The following ANKDD1A variants were observed in gnomAD, a reference collection of about 807,000 sequenced individuals.
ANKDD1A encodes ankyrin repeat and death domain containing 1A, also known as ankyrin repeat and death domain-containing protein 1A.
In ANKDD1A, 59 loss-of-function variants were observed where a neutral mutation model predicts 63.5. The ratio of observed to expected loss-of-function variants is 0.93; its 90% CI spans 0.75 to 1.15. The LOEUF is 1.15. Ranked by LOEUF, ANKDD1A falls within the 50% of genes most tolerant of loss-of-function variation. The probability of loss-of-function intolerance (pLI) is 0.00; values close to 1 mark genes in which losing one functional copy is unlikely to be tolerated. For synonymous variants in ANKDD1A, 266 were observed against 263.9 expected, an observed-to-expected ratio of 1.01 and a Z score of -0.08; for missense variants, 632 against 656.4, an observed-to-expected ratio of 0.96 and a Z score of 0.41.
intron 5 of ANKDD1A, among the ~76,000 whole-genome samples, chr15:64,926,556 G>A (rs1455576975): frequency 6.6e-6 from 1 of 152,166 alleles, no homozygotes; most frequent in Non-Finnish European, 1.5e-5. Context: ...GGGCTCTAGT[G>A]TGAGTTCTGA....
chr15:64,953,497 T>C (rs2085342581), intron 14 of ANKDD1A, among the ~76,000 whole-genome samples: 1 of 96,690 alleles, frequency 1.0e-5, no homozygotes, highest in African/African-American at 3.5e-5. Context: ...TCTTCTTTAG[T>C]TCTTCCTCCT....
intron 14 of ANKDD1A, among the ~76,000 whole-genome samples, chr15:64,956,865 T>A (rs1460123062): frequency 6.6e-6 from 1 of 152,198 alleles, no homozygotes; most frequent in Non-Finnish European, 1.5e-5. Context: ...TTTTGGATTC[T>A]TAAAACTTAA....
Position 64,958,013 on chromosome 15 carries a change from T to G in ANKDD1A, c.*825T>G, listed in dbSNP as rs990045650. Reference sequence around the variant, plus strand: ...GGCTGGGACCGGGTGGGAGAAAGAGTTCTCAGTGGTTCCTTTCTATACAGT... The same window carrying G: ...GGCTGGGACCGGGTGGGAGAAAGAGGTCTCAGTGGTTCCTTTCTATACAGT... On this transcript the variant is annotated 3_prime_UTR_variant, in exon 15 of 15. Coordinates refer to ENST00000319580, the MANE Select transcript of ANKDD1A (RefSeq NM_182703.6). The G allele has an allele frequency of 6.6e-6, 1 of 152,142 alleles. No homozygotes were observed. Among genetic ancestry groups the G allele is most frequent in the Admixed American group, 6.6e-5 (1 of 15,244 alleles). The allele number at this position is 152,142 out of a possible 1,614,324, so 9.4% of individuals were successfully genotyped here. A position where few individuals can be genotyped will look rare whatever the true frequency, so the allele number is the denominator to read the frequency against.
chr15:64,940,144 T>A (rs1318159215), intron 9 of ANKDD1A, among the ~76,000 whole-genome samples: 13 of 145,074 alleles, frequency 9.0e-5, no homozygotes, highest in Non-Finnish European at 1.4e-4. Context: ...AACTCAACAG[T>A]AAAAAAAAAA....
At chr15:64,933,126 G>C (rs555155405) in intron 8 of ANKDD1A, among the ~76,000 whole-genome samples, 2 of 152,052 alleles carry the variant, frequency 1.3e-5, no homozygotes, top group East Asian at 3.9e-4. Context: ...ACAGGGTCTC[G>C]GAGGAGGTGC....
intron 9 of ANKDD1A, among the ~76,000 whole-genome samples, chr15:64,938,444 T>G (rs1286305795): frequency 6.6e-6 from 1 of 152,076 alleles, no homozygotes; most frequent in African/African-American, 2.4e-5. Flanking sequence ...TCCCCCAAAC[T>G]CCTAACCCCA....
intron 14 of ANKDD1A, among the ~76,000 whole-genome samples, chr15:64,953,198 TTC>T (rs200695833): frequency 0.025 from 2,513 of 100,976 alleles, 70 homozygotes; most frequent in African/African-American, 0.073. Flanking sequence ...CCTCTTCTTA[TTC>T]TTTCTTCTCC....
intron 4 of ANKDD1A, 120 bp from the exon 5 acceptor site, chr15:64,925,946 T>C: frequency 1.2e-6 from 1 of 811,894 alleles, no homozygotes; most frequent in Non-Finnish European, 2.0e-6. Context: ...TCATTTACAG[T>C]GTTGTATCCA....
At chr15:64,932,930 C>T (rs902482652) in intron 8 of ANKDD1A, among the ~76,000 whole-genome samples, 2 of 139,052 alleles carry the variant, frequency 1.4e-5, no homozygotes, top group Non-Finnish European at 3.1e-5. Context: ...GCCTGGGTGA[C>T]AGATTGAGAC....
intron 14 of ANKDD1A, chr15:64,950,411 T>G (rs1362790934): frequency 1.0e-6 from 1 of 985,292 alleles, no homozygotes; most frequent in Non-Finnish European, 1.2e-6. Flanking sequence ...CATCACAACT[T>G]ATTTGAGTAT....
At chr15:64,930,174 G>C (rs747061778) in intron 6 of ANKDD1A, among the ~76,000 whole-genome samples, 17 of 151,882 alleles carry the variant, frequency 1.1e-4, no homozygotes, top group Non-Finnish European at 1.6e-4. Flanking sequence ...CGGGTTGATG[G>C]GTGCAGCAAA....
chr15:64,951,699 C>CCTTATTCTTTTTCTTCG (rs1689899540), intron 14 of ANKDD1A, among the ~76,000 whole-genome samples: 2 of 7,548 alleles, frequency 2.6e-4, no homozygotes, highest in African/African-American at 4.8e-4. Context: ...TCCTCTTCTT[C>CCTTATTCTTTTTCTTCG]TTCCTTATTT....
chr15:64,937,162 A>G (rs1365116158), intron 9 of ANKDD1A, among the ~76,000 whole-genome samples: 1 of 150,050 alleles, frequency 6.7e-6, no homozygotes, highest in Non-Finnish European at 1.5e-5. Flanking sequence ...AGACACCTTC[A>G]TATGTTACTG....
intron 6 of ANKDD1A, 127 bp from the exon 7 acceptor site, chr15:64,930,695 T>G: frequency 1.3e-6 from 1 of 797,862 alleles, no homozygotes; most frequent in South Asian, 1.8e-5. Flanking sequence ...CCCCTGGTTA[T>G]AGTTTTTGGC....
chr15:64,952,592 TTCCTTCG>T (rs1398484623), intron 14 of ANKDD1A, among the ~76,000 whole-genome samples: 8 of 97,098 alleles, frequency 8.2e-5, no homozygotes, highest in Admixed American at 3.6e-4. Context: ...TTTCTTCTTC[TTCCTTCG>T]TCTTCTTCTT....
intron 14 of ANKDD1A, among the ~76,000 whole-genome samples, chr15:64,953,710 CCTTGTTCTTCTCCTTCTT>C (rs1294094504): frequency 7.8e-4 from 14 of 17,896 alleles, no homozygotes; most frequent in Middle Eastern, 0.023. Flanking sequence ...TTCTTCTTCT[CCTTGTTCTTCTCCTTCTT>C]CTCCTCCTTC....
intron 13 of ANKDD1A, among the ~76,000 whole-genome samples, 161 bp downstream of exon 13, chr15:64,947,754 C>T (rs763290213): frequency 3.9e-5 from 6 of 152,234 alleles, no homozygotes; most frequent in Non-Finnish European, 8.8e-5. Flanking sequence ...TCCTCCAGGC[C>T]TCTGCACAGG....
At chr15:64,922,321 C>T (rs1312673110) in intron 4 of ANKDD1A, 1 of 374,646 alleles carries the variant, frequency 2.7e-6, no homozygotes, top group African/African-American at 2.1e-5. Context: ...CCAGGCTCTG[C>T]ACCCCTTGTG....
chr15:64,953,647 C>CTTTTCT (rs2085353207), intron 14 of ANKDD1A, among the ~76,000 whole-genome samples: 1 of 5,496 alleles, frequency 1.8e-4, no homozygotes, highest in East Asian at 0.026. Flanking sequence ...CTTCCTCTTC[C>CTTTTCT]TTCTCCTTCT....
Sources: allele counts gnomAD v4.1 joint callset (sites outside exome capture counted in the v4.1 genomes callset), GRCh38; gene constraint gnomAD v4.1.1; transcripts MANE v1.5; gene names NCBI Gene and HGNC (gene_info 2026-07-23, HGNC 2026-07-21).